Variants in ELMO1 observed in about 807,000 individuals in gnomAD.
ELMO1 encodes the protein engulfment and cell motility 1, also known as engulfment and cell motility protein 1.
Under a neutral mutation model 98.9 loss-of-function variants are expected in ELMO1, and 26 were observed. That is an observed-to-expected ratio of 0.26 (90% CI 0.19 to 0.36). The LOEUF (loss-of-function observed/expected upper bound fraction) is 0.36, where lower values mean the gene tolerates loss of function less well. Ranked by LOEUF, ELMO1 falls within the 10% of genes least tolerant of loss-of-function variation. The pLI is 1.00. For missense variants in ELMO1, 627 were observed against 935.2 expected (o/e 0.67, Z 4.30); for synonymous variants, 346 against 346.0 (o/e 1.00, Z 0.00).
chr7:37,137,444 A>G (rs1019296858), intron 13 of ELMO1, among the ~76,000 whole-genome samples: 1 of 152,204 alleles, frequency 6.6e-6, no homozygotes, highest in Non-Finnish European at 1.5e-5. Context: ...TTTACAGAAC[A>G]TTCTACCCAA....
At chr7:36,887,767 G>T in intron 17 of ELMO1, 95 bp from the exon 18 acceptor site, 1 of 1,093,190 alleles carries the variant, frequency 9.1e-7, no homozygotes, top group Middle Eastern at 2.0e-4. Flanking sequence ...GAGAACAAGT[G>T]CATCTTTTCA....
In ELMO1 at chr7:36,906,115, G is replaced by A. The variant is rs543770804; in HGVS notation, c.1438-11098C>T. The stretch of plus-strand genomic sequence containing the variant: ...TCCCATAAACCAGCTCTGCCATCAG[G>A]CAAGGCTGCTGAACTCAGAGGAAAT... On this transcript the variant is annotated intron_variant, in intron 16 of 21. Transcript: ENST00000310758. 2.0e-5 allele frequency among the ~76,000 whole-genome samples: 3 copies of A among 152,328 alleles called. No individual in the cohort carries two copies. In the South Asian group the frequency reaches 6.2e-4, roughly 32 times the overall value.
chr7:37,169,638 G>A (rs1790008010), intron 13 of ELMO1, among the ~76,000 whole-genome samples: 2 of 152,190 alleles, frequency 1.3e-5, no homozygotes, highest in African/African-American at 4.8e-5. Flanking sequence ...AAAATTTCAA[G>A]CTTTTGCTTT....
chr7:37,124,801 G>C (rs1786375781), intron 14 of ELMO1, among the ~76,000 whole-genome samples: 1 of 151,942 alleles, frequency 6.6e-6, no homozygotes, highest in African/African-American at 2.4e-5. Flanking sequence ...AGTTCATATG[G>C]AACCAAAAAA....
chr7:36,939,706 G>T (rs1271795816), intron 16 of ELMO1, among the ~76,000 whole-genome samples: 1 of 152,192 alleles, frequency 6.6e-6, no homozygotes, highest in East Asian at 1.9e-4. Flanking sequence ...GGATGGCGGG[G>T]GGTGCCCCAC....
chr7:36,952,419 G>A (rs749004777), intron 16 of ELMO1, among the ~76,000 whole-genome samples: 15 of 152,138 alleles, frequency 9.9e-5, no homozygotes, highest in South Asian at 2.1e-4. Flanking sequence ...CAAGCGGGGC[G>A]GGGAGACGAG....
chr7:37,307,336 A>T (rs942794146), intron 4 of ELMO1, among the ~76,000 whole-genome samples: 3 of 151,378 alleles, frequency 2.0e-5, no homozygotes, highest in African/African-American at 7.3e-5. Flanking sequence ...TGATGGCTTT[A>T]TAAGGGGCTT....
At chr7:37,212,040 T>C (rs1459545286) in intron 12 of ELMO1, among the ~76,000 whole-genome samples, 1 of 152,184 alleles carries the variant, frequency 6.6e-6, no homozygotes, top group East Asian at 1.9e-4. Flanking sequence ...TGGGATACTA[T>C]CCAGGCTTTG....
chr7:37,246,866 C>CTCTATCTA (rs10547342), intron 6 of ELMO1, among the ~76,000 whole-genome samples: 8,988 of 151,056 alleles, frequency 0.06, 335 homozygotes, highest in Middle Eastern at 0.1. Flanking sequence ...CTATATATAT[C>CTCTATCTA]TCTATCTATC....
intron 17 of ELMO1, among the ~76,000 whole-genome samples, chr7:36,890,065 GCCAGGTAATAA>G (rs1392831309): frequency 6.6e-6 from 1 of 152,194 alleles, no homozygotes; most frequent in Non-Finnish European, 1.5e-5. Flanking sequence ...TCTGGGGTAA[GCCAGGTAATAA>G]CCCCATGGGC....
chr7:37,043,224 G>T (rs1795621518), intron 15 of ELMO1, among the ~76,000 whole-genome samples: 1 of 152,160 alleles, frequency 6.6e-6, no homozygotes, highest in Non-Finnish European at 1.5e-5. Flanking sequence ...GAACTGTCTT[G>T]TCTCAGCTAA....
chr7:37,401,856 C>G (rs903056290), intron 1 of ELMO1, among the ~76,000 whole-genome samples: 6 of 152,068 alleles, frequency 3.9e-5, no homozygotes, highest in African/African-American at 7.2e-5. Flanking sequence ...TTCCCTATAC[C>G]CAAAGGAAAG....
At chr7:37,321,590 G>A (rs1170877459) in intron 2 of ELMO1, among the ~76,000 whole-genome samples, 2 of 151,252 alleles carry the variant, frequency 1.3e-5, no homozygotes, top group East Asian at 2.0e-4. Flanking sequence ...GGTGGCGGGC[G>A]CCTGTAGTCC....
chr7:36,869,638 G>T (rs1803343248), intron 20 of ELMO1, among the ~76,000 whole-genome samples: 1 of 152,110 alleles, frequency 6.6e-6, no homozygotes, highest in Non-Finnish European at 1.5e-5. Context: ...ATTCTAAGAG[G>T]CATAAACAAA....
In ELMO1 at chr7:37,112,237, A is replaced by C. The variant is rs535645406; in HGVS notation, c.1192-15510T>G. On this transcript the variant is annotated intron_variant, in intron 14 of 21. Coordinates refer to ENST00000310758, the MANE Select transcript of ELMO1 (RefSeq NM_014800.11). ...GCTCAAAAATTTCATGTTAAGAGAGATAATAATCAAATAGTAAAACATACG... is the reference window on the plus strand; with the variant it reads ...GCTCAAAAATTTCATGTTAAGAGAGCTAATAATCAAATAGTAAAACATACG... Among the ~76,000 whole-genome samples the C allele has an allele frequency of 5.9e-5, 9 of 152,308 alleles. No homozygotes were observed. In the South Asian group the frequency reaches 1.9e-3, roughly 32 times the overall value.
chr7:37,007,944 C>T (rs1338752780), intron 16 of ELMO1, among the ~76,000 whole-genome samples: 1 of 152,198 alleles, frequency 6.6e-6, no homozygotes, highest in Non-Finnish European at 1.5e-5. Context: ...TCTCCCTGTG[C>T]ACAGTCTCTG....
chr7:36,977,887 T>C (rs892885529), intron 16 of ELMO1, among the ~76,000 whole-genome samples: 2 of 152,200 alleles, frequency 1.3e-5, no homozygotes, highest in Non-Finnish European at 2.9e-5. Context: ...GATGACTTAG[T>C]GAATACATAA....
At chr7:36,928,415 T>G (rs187414523) in intron 16 of ELMO1, among the ~76,000 whole-genome samples, 15 of 152,128 alleles carry the variant, frequency 9.9e-5, no homozygotes, top group Non-Finnish European at 1.0e-4. Context: ...CAACTGTAAA[T>G]CAGGTGCAGA....
chr7:37,212,351 T>G (rs116390307), intron 12 of ELMO1, among the ~76,000 whole-genome samples: 1,541 of 152,306 alleles, frequency 0.01, 31 homozygotes, highest in African/African-American at 0.036. Flanking sequence ...GCCACTAGAC[T>G]GTACACTTAA....
Sources: allele counts gnomAD v4.1 joint callset (sites outside exome capture counted in the v4.1 genomes callset), GRCh38; gene constraint gnomAD v4.1.1; transcripts MANE v1.5; gene names NCBI Gene and HGNC (gene_info 2026-07-23, HGNC 2026-07-21).